Variants in CSMD1 observed in about 807,000 individuals in gnomAD.
The protein encoded by CSMD1 is CUB and Sushi multiple domains 1.
In CSMD1, 213 loss-of-function variants were observed where a neutral mutation model predicts 417.5. That is an observed-to-expected ratio of 0.51 (90% CI 0.46 to 0.57). CSMD1 has a LOEUF of 0.57. CSMD1 is among the 20% of genes least tolerant of loss of function. The pLI, the probability that CSMD1 is intolerant of heterozygous loss-of-function variation, is 0.00. For synonymous variants in CSMD1, 2,862 were observed against 1,736.8 expected (o/e 1.65, Z -16.11); for missense variants, 6,923 against 4,529.7 (o/e 1.53, Z -15.17).
intron 1 of CSMD1, among the ~76,000 whole-genome samples, chr8:4,752,183 G>C (rs1563293206): frequency 6.6e-6 from 1 of 151,740 alleles, no homozygotes; most frequent in East Asian, 1.9e-4. Context: ...CTAGGAAGTA[G>C]AAAAAAAATC....
intron 6 of CSMD1, among the ~76,000 whole-genome samples, chr8:3,725,572 G>A (rs1802434095): frequency 6.6e-6 from 1 of 152,264 alleles, no homozygotes; most frequent in Non-Finnish European, 1.5e-5. Flanking sequence ...AGTAGAAACA[G>A]TTGAGGAGAG....
At chr8:3,113,755 A>G (rs55815458) in intron 42 of CSMD1, among the ~76,000 whole-genome samples, 6,953 of 152,296 alleles carry the variant, frequency 0.046, 526 homozygotes, top group African/African-American at 0.16. Context: ...GTGTGAAGCC[A>G]CAGCTCGAAG....
At chr8:4,986,073 C>A (rs1283209260) in intron 1 of CSMD1, among the ~76,000 whole-genome samples, 2 of 152,136 alleles carry the variant, frequency 1.3e-5, no homozygotes, top group African/African-American at 4.8e-5. Context: ...TACTTTCCTA[C>A]CAAATAAAAG....
At chr8:4,747,475 A>G (rs554843196) in intron 1 of CSMD1, among the ~76,000 whole-genome samples, 146 of 152,294 alleles carry the variant, frequency 9.6e-4, no homozygotes, top group Non-Finnish European at 1.8e-3. Flanking sequence ...AAGAGAAGAG[A>G]AAATGCCCTC....
At chr8:4,040,815 C>T (rs571156725) in intron 3 of CSMD1, among the ~76,000 whole-genome samples, 4 of 152,054 alleles carry the variant, frequency 2.6e-5, no homozygotes, top group South Asian at 2.1e-4. Context: ...TTTAATAGCA[C>T]GTGAAAGACT....
chr8:4,771,228 G>C (rs187944330), intron 1 of CSMD1, among the ~76,000 whole-genome samples: 4 of 152,204 alleles, frequency 2.6e-5, no homozygotes, highest in Admixed American at 2.6e-4. Context: ...TCAAGAGGCA[G>C]AGCTGGATGA....
chr8:3,506,588 A>G (rs1437915352), intron 10 of CSMD1, among the ~76,000 whole-genome samples: 2 of 152,324 alleles, frequency 1.3e-5, no homozygotes, highest in East Asian at 3.9e-4. Flanking sequence ...CCACGCCTCT[A>G]AATATCTCTA....
intron 5 of CSMD1, among the ~76,000 whole-genome samples, chr8:3,821,112 T>G (rs906091632): frequency 2.0e-5 from 3 of 151,958 alleles, no homozygotes; most frequent in African/African-American, 7.3e-5. Context: ...GAAATGGAGT[T>G]TCACCATGTA....
chr8:4,403,410 A>C (rs1237189618), intron 3 of CSMD1, among the ~76,000 whole-genome samples: 3 of 152,124 alleles, frequency 2.0e-5, no homozygotes, highest in Non-Finnish European at 1.5e-5. Context: ...TTTGAACCAC[A>C]GAAGTAAGAG....
chr8:3,502,369 A>G (rs1015361353), intron 10 of CSMD1, among the ~76,000 whole-genome samples: 10 of 151,426 alleles, frequency 6.6e-5, no homozygotes, highest in African/African-American at 2.4e-4. Flanking sequence ...CATCTCAAAA[A>G]AAAAAAAAAA....
At chr8:4,457,606 AATC>A (rs1799567302) in intron 2 of CSMD1, among the ~76,000 whole-genome samples, 1 of 152,138 alleles carries the variant, frequency 6.6e-6, no homozygotes, top group African/African-American at 2.4e-5. Flanking sequence ...ATTGCTACTT[AATC>A]ATAATGGAGC....
chr8:4,087,605 C>G (rs997039034), intron 3 of CSMD1, among the ~76,000 whole-genome samples: 4 of 152,138 alleles, frequency 2.6e-5, no homozygotes, highest in South Asian at 2.1e-4. Context: ...TTCTGTCTCT[C>G]TCTCATTCCC....
intron 1 of CSMD1, among the ~76,000 whole-genome samples, chr8:4,675,624 CAT>C (rs1487528711): frequency 6.6e-6 from 1 of 151,442 alleles, no homozygotes; most frequent in East Asian, 1.9e-4. Context: ...ACAGAATAAA[CAT>C]AAAAAAAGTA....
intron 12 of CSMD1, among the ~76,000 whole-genome samples, chr8:3,430,668 G>T (rs1814157666): frequency 6.6e-6 from 1 of 152,098 alleles, no homozygotes; most frequent in Non-Finnish European, 1.5e-5. Context: ...GTAGCCAGGT[G>T]TGATGGCAGG....
At chr8:3,988,981 T>G (rs930411579) in intron 5 of CSMD1, among the ~76,000 whole-genome samples, 10 of 152,228 alleles carry the variant, frequency 6.6e-5, no homozygotes, top group African/African-American at 2.2e-4. Flanking sequence ...AACATAGACT[T>G]TTAGAACTAG....
rs147609723 is a variant in CSMD1 at position 4,006,744 on chromosome 8, A to G, written c.611-8634T>C. Among the ~76,000 whole-genome samples, 270 of 152,178 alleles carry G rather than the reference A, an allele frequency of 1.8e-3. 1 individual carries two copies. The highest frequency in any genetic ancestry group is 6.0e-3 in the African/African-American group (250 of 41,536). ...AAATGAAGTCCAGACTGGAACCAGA[A>G]GGAACTCACCACTATTTATTACGGC... On this transcript the variant is annotated intron_variant, in intron 4 of 69. Coordinates refer to ENST00000635120, the MANE Select transcript of CSMD1 (RefSeq NM_033225.6).
chr8:3,682,280 G>T lies in CSMD1; in HGVS notation c.1009+26134C>A, dbSNP rs182224293. ...ACCTAAAAAATGGGATAAAATTTTTGCAATCTACTCATCTGACAAAGGGCT... is the reference window on the plus strand; with the variant it reads ...ACCTAAAAAATGGGATAAAATTTTTTCAATCTACTCATCTGACAAAGGGCT... On this transcript the variant is annotated intron_variant, in intron 7 of 69. Transcript: ENST00000635120. Among the ~76,000 whole-genome samples the T allele has an allele frequency of 6.1e-3, 928 of 152,176 alleles. 10 individuals are homozygous for T. Among genetic ancestry groups the T allele is most frequent in the African/African-American group, 0.018 (756 of 41,508 alleles).
chr8:3,705,375 C>T (rs75249163), intron 7 of CSMD1, among the ~76,000 whole-genome samples: 7 of 152,158 alleles, frequency 4.6e-5, no homozygotes, highest in South Asian at 2.1e-4. Context: ...GTGCTTCCCA[C>T]GGGCAGAATA....
intron 2 of CSMD1, among the ~76,000 whole-genome samples, chr8:4,538,959 G>A (rs964930708): frequency 6.6e-6 from 1 of 152,140 alleles, no homozygotes; most frequent in Non-Finnish European, 1.5e-5. Context: ...TCAGCAAAAT[G>A]CTAATTCTGG....
Sources: allele counts gnomAD v4.1 joint callset (sites outside exome capture counted in the v4.1 genomes callset), GRCh38; gene constraint gnomAD v4.1.1; transcripts MANE v1.5; gene names NCBI Gene and HGNC (gene_info 2026-07-23, HGNC 2026-07-21).